Variants in ABLIM2 observed in about 807,000 individuals in gnomAD.
ABLIM2 encodes the protein actin binding LIM protein family member 2.
In ABLIM2, 53 loss-of-function variants were observed where a neutral mutation model predicts 97.7. That is an observed-to-expected ratio of 0.54 (90% CI 0.44 to 0.68). The LOEUF (loss-of-function observed/expected upper bound fraction) is 0.68, where lower values mean the gene tolerates loss of function less well. Ranked by LOEUF, ABLIM2 falls within the 30% of genes least tolerant of loss-of-function variation. The pLI is 0.00. For synonymous variants in ABLIM2, 361 were observed against 345.8 expected (o/e 1.04, Z -0.49); for missense variants, 835 against 867.2 (o/e 0.96, Z 0.47).
rs1830876052 is a variant in ABLIM2, at chr4:8,095,098, C to CCTTT, written c.338+2000_338+2001insAAAG. On this transcript the variant is annotated intron_variant, in intron 3 of 20. Coordinates refer to ENST00000447017, the MANE Select transcript of ABLIM2 (RefSeq NM_001130083.2). The surrounding 1 kb of genome is among the most constrained non-coding windows in gnomAD (Gnocchi z 4.7). ...TCTCTCTCTCTCTCTTTCTTTCTTT[C>CCTTT]TCTTTCCTTTTCTTTCTTTTCTTTC... Among the ~76,000 whole-genome samples the CCTTT allele has an allele frequency of 1.5e-5, 2 of 133,444 alleles. No homozygotes were observed. The highest frequency in any genetic ancestry group is 2.4e-4 in the South Asian group (1 of 4,230). 87.5% of individuals were successfully genotyped at this position (133,444 alleles called of 152,430 possible).
intron 3 of ABLIM2, among the ~76,000 whole-genome samples, chr4:8,091,345 A>AT (rs1426330048): frequency 7.2e-5 from 2 of 27,760 alleles, no homozygotes; most frequent in Non-Finnish European, 1.3e-4. Flanking sequence ...TATATAATAT[A>AT]TATATAATTA....
At position 8,102,588 on chromosome 4, in the gene ABLIM2, G is replaced by A. The variant is rs560147309; in HGVS notation, c.154+3906C>T. Among the ~76,000 whole-genome samples, 5 of 152,304 alleles carry A rather than the reference G, an allele frequency of 3.3e-5. No homozygotes were observed. The South Asian group carries it at 1.0e-3, about 32-fold the overall frequency. ...TTAGAAAAACTGGGTTGAGACACCT[G>A]CCTAAGATCCACATGAGCTGTGGGT... On this transcript the variant is annotated intron_variant, in intron 2 of 20. Coordinates refer to ENST00000447017, the MANE Select transcript of ABLIM2 (RefSeq NM_001130083.2).
chr4:8,106,998 ACCTGGCACGACCTTAC>A (rs1266690454), intron 1 of ABLIM2, among the ~76,000 whole-genome samples: 2 of 152,140 alleles, frequency 1.3e-5, no homozygotes, highest in African/African-American at 4.8e-5. Context: ...TGCTGCCTTA[ACCTGGCACGACCTTAC>A]CCTCAGGGGT....
At chr4:8,077,569 C>G in intron 6 of ABLIM2, 59 bp downstream of exon 6, 1 of 1,467,332 alleles carries the variant, frequency 6.8e-7, no homozygotes, top group Non-Finnish European at 9.3e-7. Context: ...CAGTCAACTC[C>G]CAGGGGGGCA....
chr4:8,070,064 A>T (rs933938344), intron 6 of ABLIM2, among the ~76,000 whole-genome samples: 1 of 147,638 alleles, frequency 6.8e-6, no homozygotes, highest in African/African-American at 2.5e-5. Flanking sequence ...TGTGTATCTG[A>T]GTGTGTCTGT....
At chr4:8,089,759 C>T (rs1462296781) in intron 3 of ABLIM2, among the ~76,000 whole-genome samples, 1 of 147,752 alleles carries the variant, frequency 6.8e-6, no homozygotes, top group Non-Finnish European at 1.5e-5. Flanking sequence ...AAAAAAAGCC[C>T]CTGCTCAAAC....
rs186644017 is a variant in ABLIM2 at position 8,126,702 on chromosome 4, C to A, written c.11-20065G>T. On this transcript the variant is annotated intron_variant, in intron 1 of 20. Coordinates refer to ENST00000447017, the MANE Select transcript of ABLIM2 (RefSeq NM_001130083.2). ...GCGTGGTGTCCTGTGCACCACAGGA[C>A]GCTCAGCCGTGGCCTGACCCCTTCC... Among the ~76,000 whole-genome samples, 4 of 152,004 alleles carry A rather than the reference C, an allele frequency of 2.6e-5. No homozygotes were observed. In the East Asian group the frequency reaches 7.8e-4, roughly 30 times the overall value.
chr4:8,068,694 C>G lies in ABLIM2; in HGVS notation c.676-7640G>C, dbSNP rs367960765. 6.6e-6 allele frequency among the ~76,000 whole-genome samples: 1 copy of G among 152,206 alleles called. No homozygotes were observed. The highest frequency in any genetic ancestry group is 1.5e-5 in the Non-Finnish European group (1 of 68,038). On this transcript the variant is annotated intron_variant, in intron 6 of 20. Coordinates refer to ENST00000447017, the MANE Select transcript of ABLIM2 (RefSeq NM_001130083.2). The surrounding 1 kb of genome is among the most constrained non-coding windows in gnomAD (Gnocchi z 4.5). ...GCTGCCACACTTCCCCTTGCTTCTT[C>G]CCCGCTGCGGGCTCCCGCTCAGCCG...
intron 1 of ABLIM2, among the ~76,000 whole-genome samples, chr4:8,107,963 G>T (rs1474751055): frequency 2.0e-5 from 3 of 152,192 alleles, no homozygotes; most frequent in Non-Finnish European, 4.4e-5. Context: ...AAGGAATGTG[G>T]GAGCCTTGGG....
chr4:8,135,248 G>A (rs888520334), intron 1 of ABLIM2, among the ~76,000 whole-genome samples: 4 of 152,250 alleles, frequency 2.6e-5, no homozygotes, highest in Non-Finnish European at 4.4e-5. Flanking sequence ...GATCCTGGAG[G>A]AGAAAAGGTA....
chr4:8,145,480 G>C (rs936438033), intron 1 of ABLIM2, among the ~76,000 whole-genome samples: 1 of 151,972 alleles, frequency 6.6e-6, no homozygotes, highest in Non-Finnish European at 1.5e-5. Context: ...TACCGCGCCC[G>C]GCCAGGTATT....
At chr4:8,057,248 G>A (rs994480481) in intron 7 of ABLIM2, among the ~76,000 whole-genome samples, 18 of 151,974 alleles carry the variant, frequency 1.2e-4, no homozygotes, top group East Asian at 9.7e-4. Flanking sequence ...ACAGGCATGC[G>A]CCACCACACC....
At chr4:8,008,314 G>A in intron 15 of ABLIM2, 114 bp from the exon 16 acceptor site, 1 of 1,012,690 alleles carries the variant, frequency 9.9e-7, no homozygotes, top group Non-Finnish European at 1.4e-6. Context: ...TGACCCCACT[G>A]TGAGAAAACT....
chr4:7,971,281 G>T (rs1307775913), intron 20 of ABLIM2, among the ~76,000 whole-genome samples: 1 of 152,200 alleles, frequency 6.6e-6, no homozygotes, highest in African/African-American at 2.4e-5. Context: ...CAGCTTTCTG[G>T]CCTCAAGCCA....
At position 7,976,725 on chromosome 4, in the gene ABLIM2, A is replaced by G. The variant is rs539349516; in HGVS notation, c.1824+6539T>C. The stretch of plus-strand genomic sequence containing the variant: ...CACACACACGTATATCCATATGCAT[A>G]CACACACATACACATATGCAAATAT... On this transcript the variant is annotated intron_variant, in intron 20 of 20. Coordinates refer to ENST00000447017, the MANE Select transcript of ABLIM2 (RefSeq NM_001130083.2). 2.0e-5 allele frequency among the ~76,000 whole-genome samples: 3 copies of G among 152,138 alleles called. No individual in the cohort carries two copies. The East Asian group carries it at 5.8e-4, about 29-fold the overall frequency.
rs886096194 is a variant in ABLIM2 at position 8,087,283 on chromosome 4, C to T, written c.454+886G>A. Among the ~76,000 whole-genome samples the T allele has an allele frequency of 7.2e-5, 11 of 152,302 alleles. No individual in the cohort carries two copies. The highest frequency in any genetic ancestry group is 5.8e-4 in the East Asian group (3 of 5,182). On this transcript the variant is annotated intron_variant, in intron 4 of 20. Transcript: ENST00000447017. This position sits in a 1 kb window ranked among gnomAD's most constrained non-coding sequence, Gnocchi z 4.6. ...AGAGCCTGTGTGCCATCTCATGATC[C>T]GGCAGAGCCACCCCAGCTGGGAAAG...
At position 7,967,129 on chromosome 4, in the gene ABLIM2, G is replaced by A. The variant is rs781073334; in HGVS notation, c.1825-26C>T. The A allele has an allele frequency of 1.9e-6, 3 of 1,594,642 alleles. No homozygotes were observed. In the South Asian group the frequency reaches 3.3e-5, roughly 18 times the overall value. On this transcript the variant is annotated intron_variant, in intron 20 of 20. Coordinates refer to ENST00000447017, the MANE Select transcript of ABLIM2 (RefSeq NM_001130083.2). ...CTTCAAACAAAAAGGCAAAACAGAA[G>A]GGACCAGTTAGCCACGCAGCAAGGG...
intron 11 of ABLIM2, among the ~76,000 whole-genome samples, chr4:8,028,525 A>G (rs1231909284): frequency 6.6e-6 from 1 of 151,882 alleles, no homozygotes; most frequent in African/African-American, 2.4e-5. Flanking sequence ...TTACTCGCTG[A>G]CTCATTCATT....
In ABLIM2 at chr4:8,032,666, G is replaced by A; in HGVS notation, c.1048-2890C>T. 1 of 1,612,602 alleles carries A rather than the reference G, an allele frequency of 6.2e-7. No individual in the cohort carries two copies. The highest frequency in any genetic ancestry group is 1.1e-5 in the South Asian group (1 of 91,072). On this transcript the variant is annotated intron_variant, in intron 10 of 20. Transcript: ENST00000447017. The surrounding 1 kb of genome is among the most constrained non-coding windows in gnomAD (Gnocchi z 4.3). ...TGGTTACCTCGGTCGGCGTTGGCGA[G>A]AGCAACTGAGGGGACTGTGGACACA... is the stretch of plus-strand genomic sequence containing the variant.
Sources: allele counts gnomAD v4.1 joint callset (sites outside exome capture counted in the v4.1 genomes callset), GRCh38; gene constraint gnomAD v4.1.1; non-coding constraint Gnocchi (gnomAD v3.1); transcripts MANE v1.5; gene names NCBI Gene and HGNC (gene_info 2026-07-23, HGNC 2026-07-21).